The following TPD52 variants were observed in gnomAD, a reference collection of about 807,000 sequenced individuals.
TPD52 encodes the protein tumor protein D52, also known as prostate and colon associated protein.
In TPD52, 17 loss-of-function variants were observed where a neutral mutation model predicts 31.3. That is an observed-to-expected ratio of 0.54 (90% CI 0.37 to 0.82). The LOEUF (loss-of-function observed/expected upper bound fraction) is 0.82, where lower values mean the gene tolerates loss of function less well. Among genes scored for constraint, TPD52 ranks in the 40% least tolerant of loss-of-function variants. The probability of loss-of-function intolerance (pLI) is 0.00; values close to 1 mark genes in which losing one functional copy is unlikely to be tolerated. For synonymous variants in TPD52, 83 were observed against 89.6 expected (o/e 0.93, Z 0.42); for missense variants, 212 against 240.1 (o/e 0.88, Z 0.77).
chr8:80,052,653 C>T (rs1811486938), intron 3 of TPD52: 2 of 1,289,034 alleles, frequency 1.6e-6, no homozygotes. Context: ...AGTTCGGTTT[C>T]TGCTGCTAGA....
chr8:80,150,345 T>C (rs1810483636), intron 1 of TPD52, among the ~76,000 whole-genome samples: 1 of 152,320 alleles, frequency 6.6e-6, no homozygotes, highest in African/African-American at 2.4e-5. Flanking sequence ...AGGGCTGTCA[T>C]GGAGAACCTC....
chr8:80,064,400 T>C, intron 2 of TPD52, 78 bp downstream of exon 2: 3 of 1,157,564 alleles, frequency 2.6e-6, no homozygotes, highest in South Asian at 2.5e-5. Flanking sequence ...TATAAACATA[T>C]CACCATGTAC....
At chr8:80,047,104 C>T (rs1810937153) in intron 5 of TPD52, among the ~76,000 whole-genome samples, 1 of 152,154 alleles carries the variant, frequency 6.6e-6, no homozygotes, top group Non-Finnish European at 1.5e-5. Flanking sequence ...GTTCAAAGTG[C>T]TGGACAGTGC....
intron 1 of TPD52, among the ~76,000 whole-genome samples, chr8:80,136,523 C>CAAA (rs56656428): frequency 8.9e-5 from 6 of 67,078 alleles, no homozygotes; most frequent in Non-Finnish European, 1.2e-4. Context: ...GACTCTGTCT[C>CAAA]AAAAAAAAAA....
intron 1 of TPD52, among the ~76,000 whole-genome samples, chr8:80,111,635 T>C (rs950690102): frequency 1.3e-5 from 2 of 152,338 alleles, no homozygotes; most frequent in African/African-American, 4.8e-5. Flanking sequence ...TAATAAATCA[T>C]GCCCAGTGAG....
chr8:80,139,561 A>T (rs1322267821), intron 1 of TPD52, among the ~76,000 whole-genome samples: 2 of 149,960 alleles, frequency 1.3e-5, no homozygotes, highest in Non-Finnish European at 3.0e-5. Flanking sequence ...TGCAACTTCA[A>T]GGGCAGAGGT....
At chr8:80,126,818 C>G (rs1049157527) in intron 1 of TPD52, among the ~76,000 whole-genome samples, 1 of 152,120 alleles carries the variant, frequency 6.6e-6, no homozygotes, top group African/African-American at 2.4e-5. Flanking sequence ...TTATTTACAA[C>G]AGTTTCATTT....
chr8:80,128,266 T>C (rs1278235365), intron 1 of TPD52, among the ~76,000 whole-genome samples: 1 of 152,064 alleles, frequency 6.6e-6, no homozygotes, highest in Non-Finnish European at 1.5e-5. Flanking sequence ...AAACAACATA[T>C]CACCTCATAA....
At chr8:80,042,769 C>T (rs191961967) in intron 6 of TPD52, 101 bp from the exon 7 acceptor site, 37 of 1,076,992 alleles carry the variant, frequency 3.4e-5, no homozygotes, top group South Asian at 5.8e-5. Context: ...TATTCTCAAT[C>T]GGCAAAAGAA....
intron 1 of TPD52, among the ~76,000 whole-genome samples, chr8:80,088,806 G>C (rs1816026576): frequency 6.6e-6 from 1 of 152,150 alleles, no homozygotes; most frequent in Admixed American, 6.5e-5. Flanking sequence ...GAGACACTAG[G>C]GATGCTCACG....
intron 7 of TPD52, chr8:80,042,402 C>T: frequency 2.0e-6 from 2 of 985,438 alleles, no homozygotes; most frequent in Non-Finnish European, 2.4e-6. Flanking sequence ...TTGTACATTT[C>T]CTTTCAGCAT....
chr8:80,104,264 G>A (rs1469787596), intron 1 of TPD52, among the ~76,000 whole-genome samples: 2 of 152,206 alleles, frequency 1.3e-5, no homozygotes, highest in Non-Finnish European at 2.9e-5. Context: ...CAGTTTGGGG[G>A]TGTGGGGAGA....
At chr8:80,089,008 C>G (rs1338454762) in intron 1 of TPD52, among the ~76,000 whole-genome samples, 1 of 152,164 alleles carries the variant, frequency 6.6e-6, no homozygotes, top group Non-Finnish European at 1.5e-5. Flanking sequence ...CTCTGTCAAC[C>G]AGGAAGCAAG....
At chr8:80,167,370 A>G (rs1275172066) in intron 1 of TPD52, among the ~76,000 whole-genome samples, 1 of 152,204 alleles carries the variant, frequency 6.6e-6, no homozygotes, top group Non-Finnish European at 1.5e-5. Context: ...ACTGTGAGTG[A>G]GCGTATTTGT....
At chr8:80,140,816 T>C (rs1481384517) in intron 1 of TPD52, among the ~76,000 whole-genome samples, 1 of 152,128 alleles carries the variant, frequency 6.6e-6, no homozygotes, top group African/African-American at 2.4e-5. Flanking sequence ...AGGAAAACGA[T>C]GGGGAAACAC....
intron 1 of TPD52, among the ~76,000 whole-genome samples, chr8:80,066,015 C>A (rs977360840): frequency 6.6e-6 from 1 of 150,862 alleles, no homozygotes; most frequent in African/African-American, 2.4e-5. Flanking sequence ...AGCATCACAG[C>A]CACTGCAGTT....
At position 80,156,202 on chromosome 8, in the gene TPD52, G is replaced by A. The variant is rs866566209; in HGVS notation, c.19+15223C>T. ...CATGAGGGGCTACTGACACCAGGAA[G>A]ACCTAGCAACTGAGGTTTCCTGGCA... On this transcript the variant is annotated intron_variant, in intron 1 of 7. Coordinates refer to ENST00000518937, the MANE Select transcript of TPD52 (RefSeq NM_001025253.3). 2.0e-5 allele frequency among the ~76,000 whole-genome samples: 3 copies of A among 152,300 alleles called. No homozygotes were observed. In the South Asian group the frequency reaches 6.2e-4, roughly 32 times the overall value.
chr8:80,070,638 G>A (rs889561028), intron 1 of TPD52, among the ~76,000 whole-genome samples: 1 of 152,188 alleles, frequency 6.6e-6, no homozygotes, highest in African/African-American at 2.4e-5. Context: ...GCCACTCACT[G>A]GTTCCTAACA....
chr8:80,107,061 T>C lies in TPD52; in HGVS notation c.20-42468A>G, dbSNP rs1392922403. ...AGATACGGGGTTTCACCATGTTACC[T>C]AGAATTGTCTAGATCTCCTGACCTC... On this transcript the variant is annotated intron_variant, in intron 1 of 7. Coordinates refer to ENST00000518937, the MANE Select transcript of TPD52 (RefSeq NM_001025253.3). Among the ~76,000 whole-genome samples the C allele has an allele frequency of 2.0e-5, 3 of 151,664 alleles. No homozygotes were observed. In the East Asian group the frequency reaches 5.9e-4, roughly 30 times the overall value.
Sources: gnomAD v4.1 joint callset for allele counts (sites outside exome capture counted in the v4.1 genomes callset) on GRCh38, gnomAD v4.1.1 for gene constraint, MANE v1.5 for transcripts, NCBI Gene and HGNC (gene_info 2026-07-23, HGNC 2026-07-21) for gene names.